Variants in MCC observed in about 807,000 individuals in gnomAD.
The protein encoded by MCC is MCC regulator of Wnt signaling pathway, also known as colorectal mutant cancer protein.
MCC carries 90 observed loss-of-function variants against 116.2 expected under a neutral mutation model. The observed-to-expected ratio is 0.77, with a 90% confidence interval of 0.65 to 0.92. The LOEUF is 0.92. MCC is among the 40% of genes least tolerant of loss of function. The pLI, the probability that MCC is intolerant of heterozygous loss-of-function variation, is 0.00. For missense variants in MCC, 1,516 were observed against 1,312.2 expected (o/e 1.16, Z -2.40); for synonymous variants, 578 against 510.5 (o/e 1.13, Z -1.78).
intron 11 of MCC, among the ~76,000 whole-genome samples, chr5:113,078,960 G>A (rs1022376261): frequency 6.6e-6 from 1 of 152,194 alleles, no homozygotes; most frequent in East Asian, 1.9e-4. Flanking sequence ...CTTCAGAAAA[G>A]TCTCAGGATA....
intron 3 of MCC, among the ~76,000 whole-genome samples, chr5:113,283,659 C>T (rs928239455): frequency 2.0e-5 from 3 of 152,090 alleles, no homozygotes; most frequent in African/African-American, 7.2e-5. Flanking sequence ...CTCATTATTC[C>T]CCCCGCAAAA....
At chr5:113,201,772 T>C (rs908177395) in intron 3 of MCC, among the ~76,000 whole-genome samples, 2 of 152,170 alleles carry the variant, frequency 1.3e-5, no homozygotes, top group Non-Finnish European at 2.9e-5. Flanking sequence ...AACATGCCTT[T>C]CTCCTTAAAG....
At chr5:113,111,704 C>T (rs1390667923) in intron 6 of MCC, among the ~76,000 whole-genome samples, 3 of 152,170 alleles carry the variant, frequency 2.0e-5, no homozygotes, top group Non-Finnish European at 4.4e-5. Flanking sequence ...AAACTGGTAT[C>T]GTTACACGTC....
intron 17 of MCC, among the ~76,000 whole-genome samples, chr5:113,040,194 T>TA (rs56332889): frequency 0.93 from 140,556 of 151,560 alleles, 65,690 homozygotes; most frequent in East Asian, 1. Flanking sequence ...GGGTGGCATG[T>TA]AGCCTTGGTT....
intron 1 of MCC, among the ~76,000 whole-genome samples, chr5:113,443,151 T>A (rs943415341): frequency 6.7e-6 from 1 of 148,482 alleles, no homozygotes; most frequent in Non-Finnish European, 1.5e-5. Flanking sequence ...TTTTTCCATT[T>A]GTTTGTGTCC....
At chr5:113,039,281 T>TC (rs1463876300) in intron 17 of MCC, among the ~76,000 whole-genome samples, 1 of 152,224 alleles carries the variant, frequency 6.6e-6, no homozygotes, top group Non-Finnish European at 1.5e-5. Flanking sequence ...TGAACTGGCC[T>TC]CCAGGGATGC....
intron 6 of MCC, 23 bp downstream of exon 6, chr5:113,122,661 G>C (rs552406201): frequency 6.2e-7 from 1 of 1,609,558 alleles, no homozygotes; most frequent in East Asian, 2.2e-5. Flanking sequence ...CTCTGGCTTG[G>C]TGGCAAGGGC....
At chr5:113,400,822 C>T (rs576746668) in intron 1 of MCC, among the ~76,000 whole-genome samples, 19 of 152,164 alleles carry the variant, frequency 1.2e-4, no homozygotes, top group Non-Finnish European at 2.4e-4. Flanking sequence ...TTTTGTTAAT[C>T]TCAGTGACAG....
chr5:113,130,345 G>T (rs893160554), intron 5 of MCC, among the ~76,000 whole-genome samples: 1 of 152,038 alleles, frequency 6.6e-6, no homozygotes, highest in Non-Finnish European at 1.5e-5. Context: ...TGGGGATGGG[G>T]GCAAGGTGAA....
chr5:113,156,452 C>A (rs1760175931), intron 3 of MCC, among the ~76,000 whole-genome samples: 1 of 152,164 alleles, frequency 6.6e-6, no homozygotes, highest in East Asian at 1.9e-4. Context: ...GCAGACCAAG[C>A]CCCATCAGAG....
chr5:113,294,526 A>G, intron 3 of MCC: 1 of 1,474,582 alleles, frequency 6.8e-7, no homozygotes, highest in Non-Finnish European at 9.0e-7. Context: ...ACAGTTGCGA[A>G]GCGCAAACGG....
intron 1 of MCC, among the ~76,000 whole-genome samples, chr5:113,456,673 A>T (rs1409194849): frequency 8.6e-6 from 1 of 116,782 alleles, no homozygotes; most frequent in Non-Finnish European, 1.6e-5. Context: ...AGGCTTCACC[A>T]TGTTAGCCAG....
chr5:113,309,629 T>C (rs1767088757), intron 3 of MCC, among the ~76,000 whole-genome samples: 1 of 152,252 alleles, frequency 6.6e-6, no homozygotes, highest in Non-Finnish European at 1.5e-5. Flanking sequence ...CACTCATCTG[T>C]TGATGCGCAC....
chr5:113,214,750 A>G (rs1763249441), intron 3 of MCC, among the ~76,000 whole-genome samples: 1 of 152,130 alleles, frequency 6.6e-6, no homozygotes, highest in South Asian at 2.1e-4. Context: ...CATTTTCCAC[A>G]CTGTAGCCAA....
chr5:113,128,939 A>C (rs1178625033), intron 5 of MCC, among the ~76,000 whole-genome samples: 2 of 152,200 alleles, frequency 1.3e-5, no homozygotes, highest in Non-Finnish European at 2.9e-5. Flanking sequence ...ACGTGATACC[A>C]ACAACACACA....
intron 3 of MCC, among the ~76,000 whole-genome samples, chr5:113,329,992 T>A (rs777146532): frequency 6.6e-6 from 1 of 152,198 alleles, no homozygotes; most frequent in Non-Finnish European, 1.5e-5. Flanking sequence ...TTGGCCTGAA[T>A]TACATAAGGA....
chr5:113,084,125 C>G lies in MCC; in HGVS notation c.1611G>C (p.Leu537=), dbSNP rs770823128. The change falls in exon 10 of 19, where the codon CTG becomes CTC. Residue 537 remains leucine, a synonymous_variant. Coordinates refer to ENST00000408903, the MANE Select transcript of MCC (RefSeq NM_001085377.2). The part of the protein sequence containing the change: ...SESSSSDRPV[L]GSEISSIGVS... ...CCCCTATGCTACTGATTTCTGAGCC[C>G]AGGACTGGCCGATCAGATGATGACG... The G allele has an allele frequency of 6.2e-7, 1 of 1,614,160 alleles. No individual in the cohort carries two copies. Among genetic ancestry groups the G allele is most frequent in the Admixed American group, 1.7e-5 (1 of 60,016 alleles).
chr5:113,333,220 T>C (rs1419760661), intron 3 of MCC, among the ~76,000 whole-genome samples: 9 of 151,716 alleles, frequency 5.9e-5, no homozygotes, highest in African/African-American at 2.2e-4. Context: ...TGTTTCTGTA[T>C]TGGATGAAAC....
At position 113,187,772 on chromosome 5, in the gene MCC, GA is replaced by G. The variant is rs1462168988; in HGVS notation, c.628-36351del. ...TCCAACTCAAAAAAAAAAAAAAAAA[GA>G]AAGAAAGAAAACATACCAACAAAAG... On this transcript the variant is annotated intron_variant, in intron 3 of 18. Transcript: ENST00000408903. Among the ~76,000 whole-genome samples the G allele has an allele frequency of 7.3e-3, 945 of 129,498 alleles. 23 individuals are homozygous for G. Among genetic ancestry groups the G allele is most frequent in the East Asian group, 0.067 (294 of 4,396 alleles). 85.0% of individuals were successfully genotyped at this position (129,498 alleles called of 152,430 possible). A position where few individuals can be genotyped will look rare whatever the true frequency, so the allele number is the denominator to read the frequency against.
Sources: gnomAD v4.1 joint callset for allele counts (sites outside exome capture counted in the v4.1 genomes callset) on GRCh38, gnomAD v4.1.1 for gene constraint, MANE v1.5 for transcripts, NCBI Gene and HGNC (gene_info 2026-07-23, HGNC 2026-07-21) for gene names.